CRLF2: variants seen among roughly 807,000 people sequenced by gnomAD.
CRLF2 encodes the protein cytokine receptor like factor 2.
A neutral mutation model predicts 38.7 loss-of-function variants in CRLF2; 41 were observed. That is an observed-to-expected ratio of 1.06 (90% confidence interval 0.83 to 1.37). The LOEUF (loss-of-function observed/expected upper bound fraction) is 1.37. CRLF2 is among the 40% of genes most tolerant of loss of function. CRLF2 has a pLI of 0.00. For missense variants in CRLF2, 377 were observed against 322.2 expected, an observed-to-expected ratio of 1.17 and a Z score of -1.30; for synonymous variants, 140 against 128.8, an observed-to-expected ratio of 1.09 and a Z score of -0.59.
intron 5 of CRLF2, 125 bp downstream of exon 5, chrX:1,198,437 C>G (rs766318946): frequency 1.5e-4 from 98 of 650,514 alleles, no homozygotes; most frequent in Admixed American, 4.1e-5. Flanking sequence ...CCCAGGAAGG[C>G]AGGACACCCT....
At chrX:1,205,782 G>A (rs1251356355) in intron 3 of CRLF2, among the ~76,000 whole-genome samples, 1 of 152,040 alleles carries the variant, frequency 6.6e-6, no homozygotes, top group East Asian at 1.9e-4. Context: ...AAAGCATGGT[G>A]AGCTTGCTTT....
intron 6 of CRLF2, among the ~76,000 whole-genome samples, chrX:1,194,940 G>C (rs1440011921): frequency 2.0e-5 from 3 of 152,114 alleles, no homozygotes; most frequent in African/African-American, 7.2e-5. Context: ...GCTGAGGCAG[G>C]AGAATTGCTT....
chrX:1,199,996 T>C, intron 4 of CRLF2, among the ~76,000 whole-genome samples: 1 of 151,504 alleles, frequency 6.6e-6, no homozygotes, highest in African/African-American at 2.4e-5. Context: ...TGTGTATATA[T>C]ATGTGTATAT....
intron 1 of CRLF2, among the ~76,000 whole-genome samples, chrX:1,211,130 T>C (rs1239305487): frequency 6.6e-6 from 1 of 151,116 alleles, no homozygotes; most frequent in Non-Finnish European, 1.5e-5. Context: ...GATGAGTGAG[T>C]CAGTGGATAA....
rs1344832414 is a variant in CRLF2, at chrX:1,190,638, A to G, written c.*259T>C. On this transcript the variant is annotated 3_prime_UTR_variant, in exon 8 of 8. Coordinates refer to ENST00000400841, the MANE Select transcript of CRLF2 (RefSeq NM_022148.4). ...TTATGTGACAACGTTCAGGCACGAAAAGGAACTGGGAGTAAATCTCCTGGA... is the reference window on the plus strand; with the variant it reads ...TTATGTGACAACGTTCAGGCACGAAGAGGAACTGGGAGTAAATCTCCTGGA... 5.1e-6 allele frequency: 2 copies of G among 393,358 alleles called. No individual in the cohort carries two copies. Among genetic ancestry groups the G allele is most frequent in the Admixed American group, 4.4e-5 (1 of 22,538 alleles). 24.4% of individuals were successfully genotyped at this position (393,358 alleles called of 1,614,324 possible). A position where few individuals can be genotyped will look rare whatever the true frequency, so the allele number is the denominator to read the frequency against.
chrX:1,200,025 CTGTATATATGTGTG>C (rs1474418681), intron 4 of CRLF2, among the ~76,000 whole-genome samples: 1 of 134,370 alleles, frequency 7.4e-6, no homozygotes, highest in South Asian at 2.5e-4. Flanking sequence ...TATATAAGCT[CTGTATATATGTGTG>C]TGTATATATG....
chrX:1,199,448 G>A lies in CRLF2; in HGVS notation c.484-724C>T, dbSNP rs1457439079. 2.0e-5 allele frequency among the ~76,000 whole-genome samples: 3 copies of A among 151,978 alleles called. No homozygotes were observed. In the East Asian group the frequency reaches 5.8e-4, roughly 30 times the overall value. ...GCCTCCCGAGTAGCTCGGATTACAG[G>A]CACCACCATGCTTGGCTAATTTTTG... is the stretch of plus-strand genomic sequence containing the variant. On this transcript the variant is annotated intron_variant, in intron 4 of 7. Transcript: ENST00000400841.
At chrX:1,200,448 GGT>G (rs2086583107) in intron 4 of CRLF2, among the ~76,000 whole-genome samples, 1 of 150,790 alleles carries the variant, frequency 6.6e-6, no homozygotes, top group African/African-American at 2.4e-5. Context: ...GTTTATATAA[GGT>G]GTGTGTATAC....
rs1285405744 is a variant in CRLF2 at position 1,191,010 on chromosome X, C to G, written c.1003G>C (p.Glu335Gln). 7.5e-6 allele frequency: 3 copies of G among 398,588 alleles called. No homozygotes were observed. The East Asian group carries it at 1.1e-4, about 14-fold the overall frequency. 24.7% of individuals were successfully genotyped at this position (398,588 alleles called of 1,614,324 possible). ...RMLDPQTEEK[E>Q]ASGGSLQLPH... ...AGCTGGAGGGATCCCCCAGAGGCCTCTTTCTCCTCGGTCTGTGGGTCCAGC... is the reference window on the plus strand; with the variant it reads ...AGCTGGAGGGATCCCCCAGAGGCCTGTTTCTCCTCGGTCTGTGGGTCCAGC... Residue 335 changes from glutamate (E) to glutamine (Q), a missense_variant, in exon 8 of 8, where the codon GAG (glutamate) becomes CAG (glutamine). By Grantham distance (29) the Glu-to-Gln change is conservative. Coordinates refer to ENST00000400841, the MANE Select transcript of CRLF2 (RefSeq NM_022148.4).
At chrX:1,192,723 T>TCTTTCTTC (rs2086411484) in intron 7 of CRLF2, among the ~76,000 whole-genome samples, 1 of 83,388 alleles carries the variant, frequency 1.2e-5, no homozygotes, top group Non-Finnish European at 2.3e-5. Context: ...TTTCTTTCTT[T>TCTTTCTTC]CTTTCTTTCT....
At chrX:1,191,301 C>CTTTCTTTG (rs2086370008) in intron 7 of CRLF2, 141 bp from the exon 8 acceptor site, 1 of 344,862 alleles carries the variant, frequency 2.9e-6, no homozygotes, top group Non-Finnish European at 4.8e-6. Flanking sequence ...TTTTCTCTTT[C>CTTTCTTTG]TTTCTTTCTT....
chrX:1,203,190 G>A (rs1249860470), intron 3 of CRLF2, among the ~76,000 whole-genome samples: 2 of 151,418 alleles, frequency 1.3e-5, no homozygotes, highest in Non-Finnish European at 2.9e-5. Flanking sequence ...TCATACTGGA[G>A]AAGGAAGGGT....
intron 3 of CRLF2, among the ~76,000 whole-genome samples, chrX:1,205,700 G>A (rs1250596373): frequency 6.7e-6 from 1 of 149,640 alleles, no homozygotes; most frequent in African/African-American, 2.5e-5. Context: ...CAATAGTTAC[G>A]GGAATCTGAT....
intron 2 of CRLF2, among the ~76,000 whole-genome samples, chrX:1,207,555 C>A (rs1365776834): frequency 5.0e-5 from 7 of 138,698 alleles, no homozygotes; most frequent in African/African-American, 1.6e-4. Flanking sequence ...TGAGCCAACA[C>A]CCCCCCCAAG....
At chrX:1,195,757 T>A (rs1437285314) in intron 6 of CRLF2, among the ~76,000 whole-genome samples, 17 of 132,408 alleles carry the variant, frequency 1.3e-4, no homozygotes, top group Non-Finnish European at 1.8e-4. Context: ...ATATATATAT[T>A]TTTATATTAT....
intron 1 of CRLF2, 138 bp downstream of exon 1, chrX:1,212,418 G>GAA (rs369256719): frequency 0.091 from 37,632 of 414,894 alleles, 969 homozygotes; most frequent in African/African-American, 0.16. Flanking sequence ...CTTGAACCCG[G>GAA]AAAAAAAAAA....
rs1274124936 is a variant in CRLF2, at chrX:1,194,261, G to A, written c.768-959C>T. 6.6e-5 allele frequency among the ~76,000 whole-genome samples: 10 copies of A among 152,108 alleles called. No homozygotes were observed. In the East Asian group the frequency reaches 1.9e-3, roughly 30 times the overall value. Reference sequence around the variant, plus strand: ...TCCAAGATCACACCAGTGCTCTCCAGCCTGGGCAACAGAGCTAGACTCCGT... The same window carrying A: ...TCCAAGATCACACCAGTGCTCTCCAACCTGGGCAACAGAGCTAGACTCCGT... On this transcript the variant is annotated intron_variant, in intron 6 of 7. Transcript: ENST00000400841.
intron 6 of CRLF2, among the ~76,000 whole-genome samples, chrX:1,193,955 C>G (rs1382369648): frequency 0.18 from 26,215 of 149,262 alleles, 2,797 homozygotes; most frequent in Admixed American, 0.24. Flanking sequence ...AGCGAGACTC[C>G]GTCTCAAAAA....
intron 5 of CRLF2, among the ~76,000 whole-genome samples, chrX:1,197,797 G>A (rs1323112376): frequency 2.0e-5 from 3 of 150,736 alleles, no homozygotes; most frequent in Non-Finnish European, 1.5e-5. Flanking sequence ...CTGGACCACA[G>A]ACTGAGACTC....
Sources: allele counts gnomAD v4.1 joint callset (sites outside exome capture counted in the v4.1 genomes callset), GRCh38; gene constraint gnomAD v4.1.1; transcripts MANE v1.5; gene names NCBI Gene and HGNC (gene_info 2026-07-23, HGNC 2026-07-21).